SLC5A1: variants seen among roughly 807,000 people sequenced by gnomAD.
SLC5A1 encodes the protein sodium/glucose cotransporter 1.
Under a neutral mutation model 73.5 loss-of-function variants are expected in SLC5A1, and 42 were observed. That is an observed-to-expected ratio of 0.57 (90% CI 0.45 to 0.74). The LOEUF is 0.74. SLC5A1 is among the 30% of genes least tolerant of loss of function. The probability of loss-of-function intolerance (pLI) is 0.00; values close to 1 mark genes in which losing one functional copy is unlikely to be tolerated. For synonymous variants in SLC5A1, 300 were observed against 317.4 expected (o/e 0.95, Z 0.58); for missense variants, 634 against 855.4 (o/e 0.74, Z 3.23).
chr22:32,052,689 T>C (rs972571483), intron 2 of SLC5A1, among the ~76,000 whole-genome samples: 5 of 152,178 alleles, frequency 3.3e-5, no homozygotes, highest in African/African-American at 1.2e-4. Flanking sequence ...CCCAGTGCCC[T>C]GTGATGAGAG....
chr22:32,105,623 T>A (rs972695496), intron 14 of SLC5A1, among the ~76,000 whole-genome samples: 3 of 152,170 alleles, frequency 2.0e-5, no homozygotes. Context: ...AATGTACAAT[T>A]AAGTTTTCAT....
intron 2 of SLC5A1, among the ~76,000 whole-genome samples, chr22:32,050,964 C>T (rs1425512819): frequency 6.6e-6 from 1 of 152,224 alleles, no homozygotes; most frequent in Non-Finnish European, 1.5e-5. Flanking sequence ...GTTTCACTCA[C>T]AGCTGTCTGT....
intron 10 of SLC5A1, among the ~76,000 whole-genome samples, chr22:32,088,751 G>T (rs1397678528): frequency 1.3e-5 from 2 of 152,136 alleles, no homozygotes; most frequent in African/African-American, 2.4e-5. Flanking sequence ...TCCTTCTTGA[G>T]TTGTTCTCTT....
At chr22:32,054,211 TCTC>T (rs1322480062) in intron 2 of SLC5A1, among the ~76,000 whole-genome samples, 1 of 152,126 alleles carries the variant, frequency 6.6e-6, no homozygotes, top group Non-Finnish European at 1.5e-5. Flanking sequence ...ATCTCCAGCT[TCTC>T]CTCCTTAAGC....
chr22:32,059,253 AG>A (rs1310383249), intron 2 of SLC5A1: 2 of 985,478 alleles, frequency 2.0e-6, no homozygotes, highest in East Asian at 1.1e-4. Context: ...TTTGAAGGCT[AG>A]AAGGTATTTG....
intron 1 of SLC5A1, among the ~76,000 whole-genome samples, chr22:32,049,607 T>C (rs2093942616): frequency 1.3e-5 from 2 of 151,536 alleles, no homozygotes; most frequent in Admixed American, 6.6e-5. Flanking sequence ...AATATGCTTG[T>C]AAGAAAGGCA....
chr22:32,109,592 T>C (rs954382369), intron 14 of SLC5A1, among the ~76,000 whole-genome samples: 2 of 152,222 alleles, frequency 1.3e-5, no homozygotes, highest in East Asian at 1.9e-4. Context: ...TCTGGTGATG[T>C]AGTGAACAGA....
rs746302270 is a variant in SLC5A1 at position 32,067,999 on chromosome 22, G to A, written c.345G>A (p.Leu115=). 3.7e-6 allele frequency: 6 copies of A among 1,614,130 alleles called. No individual in the cohort carries two copies. The highest frequency in any genetic ancestry group is 1.3e-5 in the African/African-American group (1 of 75,036). Residue 115 remains leucine (L), a synonymous_variant, in exon 4 of 15, where the codon CTG becomes CTA. Coordinates refer to ENST00000266088, the MANE Select transcript of SLC5A1 (RefSeq NM_000343.4). ...TTTTGGTGGTTGTGCTGGGCTGGCT[G>A]TTTGTCCCCATCTATATTAAGGCTG... ...ALVLVVVLGW[L]FVPIYIKAGV...
At chr22:32,059,260 A>T in intron 2 of SLC5A1, 1 of 985,426 alleles carries the variant, frequency 1.0e-6, no homozygotes, top group East Asian at 1.1e-4. Context: ...GCTAGAAGGT[A>T]TTTGGGGCAG....
In SLC5A1 at chr22:32,112,907, A is replaced by G. The variant is rs1379735549; in HGVS notation, c.*2694A>G. The stretch of plus-strand genomic sequence containing the variant: ...ACCACAAAAAAATATGTGCAGTAAT[A>G]GATGTTAATTACCTTAATTTAGTCA... On this transcript the variant is annotated 3_prime_UTR_variant, in exon 15 of 15. Coordinates refer to ENST00000266088, the MANE Select transcript of SLC5A1 (RefSeq NM_000343.4). 2 of 152,258 alleles carry G rather than the reference A, an allele frequency of 1.3e-5. No individual in the cohort carries two copies. Among genetic ancestry groups the G allele is most frequent in the Non-Finnish European group, 1.5e-5 (1 of 68,052 alleles). 9.4% of individuals were successfully genotyped at this position (152,258 alleles called of 1,614,324 possible). A position where few individuals can be genotyped will look rare whatever the true frequency, so the allele number is the denominator to read the frequency against.
chr22:32,043,533 C>T lies in SLC5A1; in HGVS notation c.135+117C>T. 3.6e-6 allele frequency: 4 copies of T among 1,118,692 alleles called. No individual in the cohort carries two copies. In the South Asian group the frequency reaches 5.3e-5, roughly 15 times the overall value. The allele number at this position is 1,118,692 out of a possible 1,614,324, so 69.3% of individuals were successfully genotyped here. A position where few individuals can be genotyped will look rare whatever the true frequency, so the allele number is the denominator to read the frequency against. The stretch of plus-strand genomic sequence containing the variant: ...TGTCGGTGGAGGGGAGAGGAAATGA[C>T]TTGGAAGCACTTTAGAAGCACTCAG... On this transcript the variant is annotated intron_variant, in intron 1 of 14. Coordinates refer to ENST00000266088, the MANE Select transcript of SLC5A1 (RefSeq NM_000343.4). The surrounding 1 kb of genome is among the most constrained non-coding windows in gnomAD (Gnocchi z 6.5).
intron 14 of SLC5A1, among the ~76,000 whole-genome samples, chr22:32,108,942 A>G (rs2094051200): frequency 1.3e-5 from 2 of 152,136 alleles, no homozygotes; most frequent in South Asian, 4.1e-4. Context: ...TTGGGAGGCC[A>G]AGGTGGGAGT....
At chr22:32,088,337 T>C (rs1320355516) in intron 10 of SLC5A1, among the ~76,000 whole-genome samples, 2 of 83,498 alleles carry the variant, frequency 2.4e-5, no homozygotes, top group Non-Finnish European at 6.3e-5. Flanking sequence ...ACTGCATTCC[T>C]TTTTTTTTTT....
At chr22:32,105,317 G>A (rs967505536) in intron 14 of SLC5A1, among the ~76,000 whole-genome samples, 2 of 136,390 alleles carry the variant, frequency 1.5e-5, no homozygotes, top group Non-Finnish European at 3.1e-5. Context: ...TTTTGAGACC[G>A]AGTTTCACTC....
intron 14 of SLC5A1, among the ~76,000 whole-genome samples, 175 bp downstream of exon 14, chr22:32,105,066 A>T (rs1437733375): frequency 2.0e-5 from 3 of 152,190 alleles, no homozygotes; most frequent in Non-Finnish European, 4.4e-5. Context: ...GTTAACTCTG[A>T]GTTCAAGGGA....
chr22:32,105,133 G>GT (rs1310083253), intron 14 of SLC5A1, among the ~76,000 whole-genome samples: 1 of 152,112 alleles, frequency 6.6e-6, no homozygotes, highest in Non-Finnish European at 1.5e-5. Context: ...AAAAATTTTT[G>GT]TGAGTACGTA....
At position 32,083,143 on chromosome 22, in the gene SLC5A1, T is replaced by C. The variant is rs1569310263; in HGVS notation, c.653T>C (p.Leu218Pro). 6.2e-7 allele frequency: 1 copy of C among 1,614,130 alleles called. No individual in the cohort carries two copies. The highest frequency in any genetic ancestry group is 1.3e-5 in the African/African-American group (1 of 75,054). The change falls in exon 7 of 15, where the codon CTG (leucine) becomes CCG (proline). Residue 218 changes from leucine (L) to proline (P), a missense_variant. By Grantham distance (98) the Leu-to-Pro change is moderately conservative. This residue lies in a region of SLC5A1 where 422 missense variants were observed against 626.1 expected (regional missense o/e 0.67). Transcript: ENST00000266088. ...TVIMLVGSLILTGFAFHEVGG... is the reference protein window; with the variant it reads ...TVIMLVGSLIPTGFAFHEVGG... Reference sequence around the variant, plus strand: ...ATCATGCTGGTGGGGTCTTTAATCCTGACTGGGTTTGGTAAGTGGGGCCAG... The same window carrying C: ...ATCATGCTGGTGGGGTCTTTAATCCCGACTGGGTTTGGTAAGTGGGGCCAG...
At chr22:32,092,654 T>C (rs747452864) in intron 11 of SLC5A1, among the ~76,000 whole-genome samples, 6 of 152,218 alleles carry the variant, frequency 3.9e-5, no homozygotes, top group Non-Finnish European at 5.9e-5. Flanking sequence ...AGTAAGGTGA[T>C]TATTTTTTCC....
intron 13 of SLC5A1, among the ~76,000 whole-genome samples, chr22:32,104,057 T>G (rs2094040857): frequency 6.6e-6 from 1 of 152,184 alleles, no homozygotes; most frequent in Admixed American, 6.5e-5. Context: ...ATGCACAGAC[T>G]ATGGAATCCC....
Sources: allele counts gnomAD v4.1 joint callset (sites outside exome capture counted in the v4.1 genomes callset), GRCh38; gene constraint gnomAD v4.1.1; regional missense constraint gnomAD v4.1.1; non-coding constraint Gnocchi (gnomAD v3.1); transcripts MANE v1.5; gene names NCBI Gene and HGNC (gene_info 2026-07-23, HGNC 2026-07-21).